Variants in UST observed in about 807,000 individuals in gnomAD.
UST encodes chondroitin sulfate 2-O-sulfotransferase.
A neutral mutation model predicts 45.6 loss-of-function variants in UST; 21 were observed. That is an observed-to-expected ratio of 0.46 (90% CI 0.33 to 0.66). The LOEUF (loss-of-function observed/expected upper bound fraction) is 0.66. Ranked by LOEUF, UST falls within the 30% of genes least tolerant of loss-of-function variation. The pLI is 0.02. For synonymous variants in UST, 215 were observed against 200.6 expected (o/e 1.07, Z -0.61); for missense variants, 463 against 512.4 (o/e 0.90, Z 0.93).
intron 1 of UST, among the ~76,000 whole-genome samples, chr6:148,811,744 G>A (rs1011079589): frequency 3.3e-5 from 5 of 152,174 alleles, no homozygotes; most frequent in African/African-American, 1.2e-4. Flanking sequence ...AGTGTCCCAA[G>A]GGAACCAGGC....
intron 1 of UST, among the ~76,000 whole-genome samples, chr6:148,864,837 C>T (rs1778395710): frequency 6.6e-6 from 1 of 152,184 alleles, no homozygotes; most frequent in African/African-American, 2.4e-5. Flanking sequence ...AGATGGTTTT[C>T]TGGTTTCCCT....
chr6:148,797,541 C>G (rs1271385644), intron 1 of UST, among the ~76,000 whole-genome samples: 1 of 152,140 alleles, frequency 6.6e-6, no homozygotes, highest in Non-Finnish European at 1.5e-5. Context: ...AATACAAAGC[C>G]TTAATGATTT....
intron 1 of UST, among the ~76,000 whole-genome samples, chr6:148,867,668 G>C (rs754341046): frequency 3.3e-5 from 5 of 152,108 alleles, no homozygotes; most frequent in African/African-American, 9.7e-5. Context: ...GCTCTCATCT[G>C]CCACCATGTA....
intron 1 of UST, among the ~76,000 whole-genome samples, chr6:148,852,065 T>G (rs1287219545): frequency 6.6e-6 from 1 of 152,218 alleles, no homozygotes; most frequent in Admixed American, 6.5e-5. Context: ...CAAAAGGGAT[T>G]AAGCAAACCA....
chr6:149,031,121 T>C (rs1776133203), intron 7 of UST, among the ~76,000 whole-genome samples: 2 of 151,636 alleles, frequency 1.3e-5, no homozygotes, highest in African/African-American at 4.8e-5. Flanking sequence ...GCAGGAGAAT[T>C]GCCTGAACCC....
intron 1 of UST, among the ~76,000 whole-genome samples, chr6:148,779,597 G>C (rs532837369): frequency 6.6e-5 from 10 of 152,294 alleles, no homozygotes; most frequent in Admixed American, 2.6e-4. Flanking sequence ...ACGGGATGTC[G>C]TAAGGACAAA....
intron 7 of UST, among the ~76,000 whole-genome samples, chr6:149,045,456 A>G (rs1776383166): frequency 6.6e-6 from 1 of 152,246 alleles, no homozygotes; most frequent in Non-Finnish European, 1.5e-5. Context: ...AAGGGCAAAC[A>G]TATTTTTGAG....
At chr6:148,950,247 A>T (rs1019530324) in intron 3 of UST, among the ~76,000 whole-genome samples, 2 of 152,082 alleles carry the variant, frequency 1.3e-5, no homozygotes, top group Non-Finnish European at 2.9e-5. Context: ...GAGAATTTGC[A>T]TTTCTAACAA....
intron 7 of UST, among the ~76,000 whole-genome samples, chr6:149,030,059 A>G (rs1246691179): frequency 6.6e-6 from 1 of 152,224 alleles, no homozygotes; most frequent in Non-Finnish European, 1.5e-5. Flanking sequence ...ACTTTCATAT[A>G]GATGATCTCA....
intron 7 of UST, among the ~76,000 whole-genome samples, chr6:149,023,880 A>C (rs561158899): frequency 4.1e-4 from 62 of 152,270 alleles, no homozygotes; most frequent in Non-Finnish European, 2.9e-5. Flanking sequence ...ATGGGCCTTT[A>C]TTCCGTGATC....
chr6:148,863,637 T>C (rs1778362715), intron 1 of UST, among the ~76,000 whole-genome samples: 2 of 152,232 alleles, frequency 1.3e-5, no homozygotes, highest in Non-Finnish European at 2.9e-5. Flanking sequence ...TTTGTGGTTT[T>C]ATCTACCTTT....
chr6:148,995,638 C>T (rs1781439755), intron 5 of UST, among the ~76,000 whole-genome samples: 1 of 152,178 alleles, frequency 6.6e-6, no homozygotes, highest in Admixed American at 6.5e-5. Flanking sequence ...ATGTGACTTG[C>T]CGACGTGTTT....
intron 1 of UST, among the ~76,000 whole-genome samples, chr6:148,848,451 T>C (rs1778038724): frequency 6.6e-6 from 1 of 152,144 alleles, no homozygotes; most frequent in South Asian, 2.1e-4. Flanking sequence ...GGTGGGCGGA[T>C]CATGAGGTCG....
At chr6:148,754,648 A>G (rs1380895208) in intron 1 of UST, among the ~76,000 whole-genome samples, 1 of 152,218 alleles carries the variant, frequency 6.6e-6, no homozygotes, top group African/African-American at 2.4e-5. Flanking sequence ...CATTATTTAT[A>G]TATTCTTAAC....
chr6:148,759,741 G>A (rs983285771), intron 1 of UST, among the ~76,000 whole-genome samples: 1 of 150,598 alleles, frequency 6.6e-6, no homozygotes, highest in Non-Finnish European at 1.5e-5. Context: ...CCAGCTACTC[G>A]GGAGGCTGAG....
chr6:148,803,395 G>T (rs1314519824), intron 1 of UST, among the ~76,000 whole-genome samples: 2 of 152,100 alleles, frequency 1.3e-5, no homozygotes, highest in African/African-American at 4.8e-5. Flanking sequence ...TTCATTTTGG[G>T]CATCAACCCT....
intron 1 of UST, among the ~76,000 whole-genome samples, chr6:148,828,837 G>A (rs1428077685): frequency 6.6e-6 from 1 of 152,156 alleles, no homozygotes; most frequent in Non-Finnish European, 1.5e-5. Flanking sequence ...ATCAACATCA[G>A]AAACAATTTA....
At chr6:148,770,172 C>A (rs1008864182) in intron 1 of UST, among the ~76,000 whole-genome samples, 1 of 151,936 alleles carries the variant, frequency 6.6e-6, no homozygotes, top group Middle Eastern at 3.4e-3. Context: ...TGTATAAATT[C>A]ATCATCTTCG....
chr6:149,047,709 T>A (rs1209220308), intron 7 of UST, among the ~76,000 whole-genome samples: 1 of 152,216 alleles, frequency 6.6e-6, no homozygotes, highest in Non-Finnish European at 1.5e-5. Context: ...GGACAGACCA[T>A]GTTCATGCAT....
Sources: gnomAD v4.1 joint callset for allele counts (sites outside exome capture counted in the v4.1 genomes callset) on GRCh38, gnomAD v4.1.1 for gene constraint, MANE v1.5 for transcripts, NCBI Gene and HGNC (gene_info 2026-07-23, HGNC 2026-07-21) for gene names.